DNM3: variants seen among roughly 807,000 people sequenced by gnomAD.
DNM3 encodes dynamin-3.
In DNM3, 47 loss-of-function variants were observed where a neutral mutation model predicts 101.6. That is an observed-to-expected ratio of 0.46 (90% CI 0.37 to 0.59). DNM3 has a LOEUF of 0.59. Ranked by LOEUF, DNM3 falls within the 20% of genes least tolerant of loss-of-function variation. The pLI is 0.00. For synonymous variants in DNM3, 385 were observed against 387.9 expected (o/e 0.99, Z 0.09); for missense variants, 849 against 1,085.7 (o/e 0.78, Z 3.06).
At chr1:172,323,386 G>A (rs574212228) in intron 17 of DNM3, 46 bp downstream of exon 17, 1 of 1,590,910 alleles carries the variant, frequency 6.3e-7, no homozygotes, top group Admixed American at 1.7e-5. Context: ...CCCAGCCCCT[G>A]CTCCGCTCCT....
Position 172,042,075 on chromosome 1 carries a change from C to T in DNM3, c.1059C>T (p.Thr353=), listed in dbSNP as rs1192872590. 1.2e-6 allele frequency: 2 copies of T among 1,611,210 alleles called. No homozygotes were observed. Among genetic ancestry groups the T allele is most frequent in the South Asian group, 2.2e-5 (2 of 90,498 alleles). The change falls in exon 8 of 21, where the codon ACC becomes ACT. Residue 353 remains threonine (T), a synonymous_variant. Coordinates refer to ENST00000627582, the MANE Select transcript of DNM3 (RefSeq NM_015569.5). The part of the protein sequence containing the change: ...RIEGSGDQVD[T]LELSGGAKIN... ...AAGGGTCAGGGGATCAAGTAGATAC[C>T]CTGGAACTCTCAGGTGGTGCTAAAA...
chr1:172,407,530 T>C (rs1274989003), intron 20 of DNM3, among the ~76,000 whole-genome samples: 1 of 152,028 alleles, frequency 6.6e-6, no homozygotes, highest in African/African-American at 2.4e-5. Context: ...TATTTCTTAT[T>C]AGTATTGGAA....
rs1024126200 is a variant in DNM3 at position 172,064,622 on chromosome 1, A to T, written c.1336-4197A>T. 2.0e-5 allele frequency among the ~76,000 whole-genome samples: 3 copies of T among 152,054 alleles called. No individual in the cohort carries two copies. The East Asian group carries it at 5.8e-4, about 29-fold the overall frequency. ...TAGGACTTTATTTTTTAACCTCTGT[A>T]TGTATGTATCTTAAGAATTGGGACT... On this transcript the variant is annotated intron_variant, in intron 10 of 20. Coordinates refer to ENST00000627582, the MANE Select transcript of DNM3 (RefSeq NM_015569.5).
At chr1:172,093,155 G>T (rs756580111) in intron 13 of DNM3, among the ~76,000 whole-genome samples, 3 of 151,986 alleles carry the variant, frequency 2.0e-5, no homozygotes, top group African/African-American at 7.3e-5. Flanking sequence ...GCTTGCTTAC[G>T]TTACCCCTAA....
At chr1:172,300,238 G>A (rs1242765008) in intron 15 of DNM3, among the ~76,000 whole-genome samples, 5 of 151,446 alleles carry the variant, frequency 3.3e-5, no homozygotes, top group Admixed American at 2.0e-4. Flanking sequence ...GGGGTTATTT[G>A]TTTTTCACTT....
chr1:172,177,925 T>C (rs964781351), intron 14 of DNM3, among the ~76,000 whole-genome samples: 2 of 151,900 alleles, frequency 1.3e-5, no homozygotes, highest in Admixed American at 6.6e-5. Flanking sequence ...CAGTCATACA[T>C]TGCTTAACGA....
At chr1:172,372,504 A>G (rs2068390640) in intron 17 of DNM3, among the ~76,000 whole-genome samples, 1 of 151,854 alleles carries the variant, frequency 6.6e-6, no homozygotes, top group Non-Finnish European at 1.5e-5. Context: ...GCATTCATTT[A>G]TGAACCCTCT....
intron 17 of DNM3, among the ~76,000 whole-genome samples, chr1:172,326,416 C>G (rs1315855158): frequency 6.6e-6 from 1 of 152,162 alleles, no homozygotes; most frequent in African/African-American, 2.4e-5. Flanking sequence ...ATCCAGGACA[C>G]CCTGAGTCAG....
intron 4 of DNM3, 124 bp downstream of exon 4, chr1:171,989,272 T>C: frequency 1.6e-6 from 1 of 632,714 alleles, no homozygotes; most frequent in Admixed American, 4.0e-5. Context: ...TTAATGTTGT[T>C]AAACCTTTTG....
chr1:172,181,428 C>A (rs1019297736), intron 14 of DNM3, among the ~76,000 whole-genome samples: 1 of 150,328 alleles, frequency 6.7e-6, no homozygotes, highest in Non-Finnish European at 1.5e-5. Flanking sequence ...TTCTGGTAGG[C>A]GTGGAGATAT....
At chr1:172,154,247 CTTCT>C (rs1250661177) in intron 14 of DNM3, among the ~76,000 whole-genome samples, 2 of 151,848 alleles carry the variant, frequency 1.3e-5, no homozygotes, top group Non-Finnish European at 2.9e-5. Context: ...AAGAGGATTC[CTTCT>C]GAGTAAGAAT....
At chr1:172,038,647 T>C (rs2049140177) in intron 7 of DNM3, among the ~76,000 whole-genome samples, 186 bp downstream of exon 7, 1 of 152,318 alleles carries the variant, frequency 6.6e-6, no homozygotes, top group East Asian at 1.9e-4. Context: ...ATTATTCTGT[T>C]ATTATCAACT....
intron 14 of DNM3, among the ~76,000 whole-genome samples, chr1:172,249,331 C>T (rs868825860): frequency 3.9e-5 from 6 of 152,150 alleles, no homozygotes; most frequent in Non-Finnish European, 8.8e-5. Flanking sequence ...CACCTTGGTT[C>T]CTCTGCCTTT....
chr1:172,148,790 T>G (rs1214570495), intron 14 of DNM3, among the ~76,000 whole-genome samples: 1 of 151,058 alleles, frequency 6.6e-6, no homozygotes, highest in African/African-American at 2.4e-5. Flanking sequence ...TTTTTTTTAA[T>G]TGGAGGCAAT....
At chr1:171,907,661 T>C (rs977740110) in intron 1 of DNM3, among the ~76,000 whole-genome samples, 1 of 152,146 alleles carries the variant, frequency 6.6e-6, no homozygotes, top group African/African-American at 2.4e-5. Context: ...CCCTTGCTCA[T>C]TCCTCTCTAG....
intron 18 of DNM3, among the ~76,000 whole-genome samples, chr1:172,382,289 C>T (rs539721299): frequency 1.2e-4 from 18 of 152,278 alleles, no homozygotes; most frequent in African/African-American, 3.6e-4. Flanking sequence ...ACACACATAA[C>T]ACCCCATGGT....
In DNM3 at chr1:172,304,206, C is replaced by CAAAAAAAAAAAA. The variant is rs575733774; in HGVS notation, c.1770-4517_1770-4506dup. 6.3e-4 allele frequency among the ~76,000 whole-genome samples: 23 copies of CAAAAAAAAAAAA among 36,376 alleles called. 1 individual carries two copies. The highest frequency in any genetic ancestry group is 1.4e-3 in the African/African-American group (7 of 4,838). 23.9% of individuals were successfully genotyped at this position (36,376 alleles called of 152,430 possible). A position where few individuals can be genotyped will look rare whatever the true frequency, so the allele number is the denominator to read the frequency against. On this transcript the variant is annotated intron_variant, in intron 15 of 20. Coordinates refer to ENST00000627582, the MANE Select transcript of DNM3 (RefSeq NM_015569.5). ...GAATATCTACCATGCAAAAGGAAAG[C>CAAAAAAAAAAAA]AAAAAAAAAAAAAAAACAGGAGTTG...
intron 14 of DNM3, among the ~76,000 whole-genome samples, chr1:172,185,907 T>C (rs2059505801): frequency 6.6e-6 from 1 of 152,138 alleles, no homozygotes; most frequent in Non-Finnish European, 1.5e-5. Flanking sequence ...TGGCCCATCC[T>C]CAAATAAAAA....
chr1:172,277,828 G>A (rs1452106857), intron 15 of DNM3, among the ~76,000 whole-genome samples: 1 of 152,060 alleles, frequency 6.6e-6, no homozygotes, highest in African/African-American at 2.4e-5. Context: ...AAAACTACTA[G>A]AATAAGAAGC....
Sources: gnomAD v4.1 joint callset for allele counts (sites outside exome capture counted in the v4.1 genomes callset) on GRCh38, gnomAD v4.1.1 for gene constraint, MANE v1.5 for transcripts, NCBI Gene and HGNC (gene_info 2026-07-23, HGNC 2026-07-21) for gene names.